TDRD3: variants seen among roughly 807,000 people sequenced by gnomAD.
TDRD3 encodes tudor domain-containing protein 3.
TDRD3 carries 45 observed loss-of-function variants against 86.7 expected under a neutral mutation model. That is an observed-to-expected ratio of 0.52 (90% CI 0.41 to 0.67). TDRD3 has a LOEUF of 0.67. Ranked by LOEUF, TDRD3 falls within the 30% of genes least tolerant of loss-of-function variation. The pLI, the probability that TDRD3 is intolerant of heterozygous loss-of-function variation, is 0.00. For missense variants in TDRD3, 814 were observed against 889.0 expected (o/e 0.92, Z 1.07); for synonymous variants, 298 against 301.7 (o/e 0.99, Z 0.13).
chr13:60,561,717 G>A (rs1249662748), intron 12 of TDRD3, among the ~76,000 whole-genome samples: 4 of 152,178 alleles, frequency 2.6e-5, no homozygotes, highest in Middle Eastern at 3.4e-3. Context: ...AGGGGCAGTC[G>A]GGCTTGTGAA....
At chr13:60,433,296 C>T (rs1955000293) in intron 1 of TDRD3, among the ~76,000 whole-genome samples, 1 of 152,156 alleles carries the variant, frequency 6.6e-6, no homozygotes, top group Admixed American at 6.5e-5. Context: ...AACATTCCTC[C>T]TCCTTAAAAA....
chr13:60,551,635 A>C (rs989030891), intron 12 of TDRD3, among the ~76,000 whole-genome samples: 4 of 152,046 alleles, frequency 2.6e-5, no homozygotes, highest in Admixed American at 1.3e-4. Context: ...TTTCTGTTAA[A>C]ATTTTCTTTT....
intron 2 of TDRD3, among the ~76,000 whole-genome samples, chr13:60,441,376 T>C (rs920183570): frequency 1.3e-5 from 2 of 152,156 alleles, no homozygotes; most frequent in Non-Finnish European, 2.9e-5. Context: ...ATTTGTGCTG[T>C]GTTCGTAAGA....
chr13:60,501,241 T>C (rs562287328), intron 8 of TDRD3, among the ~76,000 whole-genome samples: 2 of 152,294 alleles, frequency 1.3e-5, no homozygotes, highest in South Asian at 4.2e-4. Flanking sequence ...GATGACTCTT[T>C]TGGCTACTTC....
chr13:60,483,203 A>G (rs1956356265), intron 5 of TDRD3, among the ~76,000 whole-genome samples: 1 of 152,116 alleles, frequency 6.6e-6, no homozygotes. Context: ...TTAATGAACA[A>G]TTTGTTGAAT....
intron 5 of TDRD3, among the ~76,000 whole-genome samples, chr13:60,469,533 A>G (rs1425976793): frequency 6.6e-6 from 1 of 152,146 alleles, no homozygotes; most frequent in Admixed American, 6.5e-5. Flanking sequence ...TGCAAGCCAC[A>G]TTAGTATTTC....
At chr13:60,430,410 G>C (rs1017836628) in intron 1 of TDRD3, among the ~76,000 whole-genome samples, 5 of 152,080 alleles carry the variant, frequency 3.3e-5, no homozygotes, top group African/African-American at 1.2e-4. Context: ...TGGTTTTATA[G>C]CCACTACCTT....
chr13:60,483,983 A>G, intron 6 of TDRD3, 137 bp downstream of exon 6: 1 of 852,938 alleles, frequency 1.2e-6, no homozygotes, highest in Non-Finnish European at 1.7e-6. Flanking sequence ...CAAGGAATTT[A>G]ATAATTTTGA....
intron 1 of TDRD3, among the ~76,000 whole-genome samples, chr13:60,414,744 T>C (rs973569200): frequency 2.0e-4 from 30 of 152,132 alleles, no homozygotes; most frequent in Non-Finnish European, 3.4e-4. Context: ...TTATCAGGTG[T>C]TTTGAAATGG....
chr13:60,484,804 G>A, intron 6 of TDRD3: 1 of 387,164 alleles, frequency 2.6e-6, no homozygotes, highest in South Asian at 2.0e-5. Context: ...GGAAAACAGT[G>A]TAAACATTCT....
At chr13:60,496,600 A>C (rs752783169) in intron 8 of TDRD3, among the ~76,000 whole-genome samples, 12 of 152,014 alleles carry the variant, frequency 7.9e-5, no homozygotes, top group Non-Finnish European at 1.2e-4. Flanking sequence ...TTCATCACTC[A>C]TGAGAGGCAA....
rs538662146 is a variant in TDRD3 at position 60,520,653 on chromosome 13, A to G, written c.1142-7714A>G. 1.4e-4 allele frequency among the ~76,000 whole-genome samples: 22 copies of G among 152,316 alleles called. No homozygotes were observed. In the East Asian group the frequency reaches 4.0e-3, roughly 28 times the overall value. On this transcript the variant is annotated intron_variant, in intron 10 of 13. Coordinates refer to ENST00000377881, the MANE Select transcript of TDRD3 (RefSeq NM_001146070.2). Reference sequence around the variant, plus strand: ...TATTTGTTGTCTGCCTCTGCCCATTATAACTAAGCTCCACAGGATAGAGGG... The same window carrying G: ...TATTTGTTGTCTGCCTCTGCCCATTGTAACTAAGCTCCACAGGATAGAGGG...
intron 8 of TDRD3, among the ~76,000 whole-genome samples, chr13:60,498,432 G>A (rs1305366357): frequency 1.3e-5 from 2 of 152,124 alleles, no homozygotes; most frequent in Admixed American, 6.5e-5. Context: ...GAAGCAAAAC[G>A]GCAATCAGAA....
At chr13:60,473,714 C>T (rs1365553361) in intron 5 of TDRD3, among the ~76,000 whole-genome samples, 1 of 152,142 alleles carries the variant, frequency 6.6e-6, no homozygotes, top group South Asian at 2.1e-4. Context: ...TGAGAAGTGA[C>T]CAGAAGACAA....
intron 7 of TDRD3, among the ~76,000 whole-genome samples, chr13:60,493,666 AC>A (rs1956651325): frequency 6.6e-6 from 1 of 152,190 alleles, no homozygotes; most frequent in African/African-American, 2.4e-5. Flanking sequence ...GTCTCAAAAA[AC>A]AAAAACAAAA....
intron 13 of TDRD3, among the ~76,000 whole-genome samples, chr13:60,570,112 A>G (rs1188022498): frequency 1.3e-5 from 2 of 152,228 alleles, no homozygotes; most frequent in Non-Finnish European, 2.9e-5. Context: ...GAAACAGTCA[A>G]CAAAGTTAAG....
Position 60,528,634 on chromosome 13 carries a change from G to A in TDRD3, c.1409G>A (p.Cys470Tyr). 2 of 1,613,956 alleles carry A rather than the reference G, an allele frequency of 1.2e-6. No individual in the cohort carries two copies. Among genetic ancestry groups the A allele is most frequent in the Non-Finnish European group, 1.7e-6 (2 of 1,179,912 alleles). The stretch of plus-strand genomic sequence containing the variant: ...GTATGGGCTGAAGACAGAATCAAAT[G>A]TGATAGACCGTATTCTAGATATGAC... Reference protein sequence around the residue: ...SEVWAEDRIKCDRPYSRYDRT... With the variant: ...SEVWAEDRIKYDRPYSRYDRT... Residue 470 changes from cysteine to tyrosine, a missense_variant, in exon 11 of 14, where the codon TGT (cysteine) becomes TAT (tyrosine). Coordinates refer to ENST00000377881, the MANE Select transcript of TDRD3 (RefSeq NM_001146070.2).
At chr13:60,502,288 C>T (rs552036464) in intron 8 of TDRD3, among the ~76,000 whole-genome samples, 2 of 152,274 alleles carry the variant, frequency 1.3e-5, no homozygotes, top group South Asian at 2.1e-4. Context: ...GAGATCACCA[C>T]TTGATTCACA....
At chr13:60,531,542 G>T (rs1056992140) in intron 11 of TDRD3, among the ~76,000 whole-genome samples, 8 of 152,168 alleles carry the variant, frequency 5.3e-5, no homozygotes, top group African/African-American at 1.9e-4. Flanking sequence ...AAGAGCAGAA[G>T]TAAGAGATTG....
Sources: allele counts gnomAD v4.1 joint callset (sites outside exome capture counted in the v4.1 genomes callset), GRCh38; gene constraint gnomAD v4.1.1; transcripts MANE v1.5; gene names NCBI Gene and HGNC (gene_info 2026-07-23, HGNC 2026-07-21).